TMEM230: variants seen among roughly 807,000 people sequenced by gnomAD.
The protein encoded by TMEM230 is transmembrane protein 230.
Under a neutral mutation model 15.8 loss-of-function variants are expected in TMEM230, and 10 were observed. The ratio of observed to expected loss-of-function variants is 0.63; its 90% CI spans 0.39 to 1.07. The LOEUF (loss-of-function observed/expected upper bound fraction) is 1.07. Among genes scored for constraint, TMEM230 ranks in the 50% least tolerant of loss-of-function variants. The pLI is 0.01. For synonymous variants in TMEM230, 67 were observed against 76.9 expected, an observed-to-expected ratio of 0.87 and a Z score of 0.68; for missense variants, 165 against 193.3, an observed-to-expected ratio of 0.85 and a Z score of 0.87.
At chr20:5,095,689 C>T (rs2089646858), downstream of TMEM230, among the ~76,000 whole-genome samples, 1 of 152,204 alleles carries the variant, frequency 6.6e-6, no homozygotes, top group Non-Finnish European at 1.5e-5. Flanking sequence ...TCAGTCAGCG[C>T]TTCTCAGACA....
At chr20:5,065,908 C>A (rs2088647591), downstream of TMEM230, among the ~76,000 whole-genome samples, 1 of 152,108 alleles carries the variant, frequency 6.6e-6, no homozygotes, top group Non-Finnish European at 1.5e-5. Flanking sequence ...CACTGGAGAC[C>A]CCCGTCCCTG....
downstream of TMEM230, among the ~76,000 whole-genome samples, chr20:5,065,734 G>C (rs1488311067): frequency 6.6e-6 from 1 of 152,194 alleles, no homozygotes; most frequent in Non-Finnish European, 1.5e-5. Flanking sequence ...GGTTCTGTGG[G>C]AGCTCATATG....
intron 4 of TMEM230, 138 bp downstream of exon 3, chr20:5,106,050 C>CA (rs1170764609): frequency 9.0e-5 from 120 of 1,337,288 alleles, no homozygotes; most frequent in East Asian, 2.1e-4. Flanking sequence ...GACCCTGTCT[C>CA]AAAAAAAACA....
intron 3 of TMEM230, among the ~76,000 whole-genome samples, chr20:5,077,356 C>T (rs1053797338): frequency 2.6e-5 from 4 of 152,056 alleles, no homozygotes; most frequent in Non-Finnish European, 4.4e-5. Context: ...TGAGTCCCAG[C>T]TATCTGACAG....
chr20:5,080,732 A>C (rs1326633665), intron 3 of TMEM230, among the ~76,000 whole-genome samples: 6 of 152,086 alleles, frequency 3.9e-5, no homozygotes, highest in African/African-American at 1.2e-4. Flanking sequence ...ACGCCAGGCT[A>C]ATTTTCACCA....
At chr20:5,092,786 G>A (rs1568491892) in intron 3 of TMEM230, among the ~76,000 whole-genome samples, 1 of 151,658 alleles carries the variant, frequency 6.6e-6, no homozygotes, top group Non-Finnish European at 1.5e-5. Context: ...AATAGATGCA[G>A]AAAAGCATTT....
intron 3 of TMEM230, among the ~76,000 whole-genome samples, chr20:5,082,828 G>C (rs556874429): frequency 5.1e-4 from 78 of 151,980 alleles, no homozygotes; most frequent in African/African-American, 1.8e-3. Context: ...AATGATAGAC[G>C]TTAGTGGGCA....
At chr20:5,099,228 AAATAAATCAATCAATCAAT>A (rs1425960521), downstream of TMEM230, among the ~76,000 whole-genome samples, 1 of 91,248 alleles carries the variant, frequency 1.1e-5, no homozygotes, top group Admixed American at 1.1e-4. Context: ...ATAAATAAAT[AAATAAATCAATCAATCAAT>A]AATAAATAAA....
intron 3 of TMEM230, among the ~76,000 whole-genome samples, chr20:5,107,955 T>C: frequency 6.7e-6 from 1 of 150,338 alleles, no homozygotes; most frequent in African/African-American, 2.5e-5. Flanking sequence ...ATACTAAAAA[T>C]ACGAAAATTG....
chr20:5,098,088 CT>C (rs2089720326), downstream of TMEM230, among the ~76,000 whole-genome samples: 2 of 149,466 alleles, frequency 1.3e-5, no homozygotes, highest in Non-Finnish European at 2.9e-5. Context: ...AGCAATTCTC[CT>C]GCCTTAGCCT....
At chr20:5,081,873 CTTT>C (rs10547417) in intron 3 of TMEM230, among the ~76,000 whole-genome samples, 2 of 43,834 alleles carry the variant, frequency 4.6e-5, no homozygotes, top group Admixed American at 3.1e-4. Flanking sequence ...TCTTTTTTTT[CTTT>C]TTTTTTTTTT....
chr20:5,100,295 A>G lies in TMEM230; in HGVS notation c.*496T>C, dbSNP rs1174571290. 5 of 985,576 alleles carry G rather than the reference A, an allele frequency of 5.1e-6. No individual in the cohort carries two copies. The highest frequency in any genetic ancestry group is 1.1e-4 in the East Asian group (1 of 8,814). The allele number at this position is 985,576 out of a possible 1,614,324, so 61.1% of individuals were successfully genotyped here. A position where few individuals can be genotyped will look rare whatever the true frequency, so the allele number is the denominator to read the frequency against. On this transcript the variant is annotated 3_prime_UTR_variant, in exon 5 of 5. Transcript: ENST00000342308. ...GTCAGTAAGAAAGCAAGTAAAAAAA[A>G]TATTACAGATGAACTCACTGATCTT...
At chr20:5,107,813 C>CAA (rs374440749) in intron 3 of TMEM230, among the ~76,000 whole-genome samples, 12 of 119,950 alleles carry the variant, frequency 1.0e-4, no homozygotes, top group Admixed American at 3.3e-4. Flanking sequence ...GACCCTGTCT[C>CAA]AAAAAAAAAA....
At chr20:5,083,154 C>T (rs1198036975) in intron 3 of TMEM230, among the ~76,000 whole-genome samples, 2 of 151,940 alleles carry the variant, frequency 1.3e-5, no homozygotes, top group Non-Finnish European at 2.9e-5. Context: ...TCTCGAACTC[C>T]TGACCTCATA....
chr20:5,065,436 A>C (rs1258699740), downstream of TMEM230, among the ~76,000 whole-genome samples: 2 of 152,128 alleles, frequency 1.3e-5, no homozygotes, highest in Admixed American at 1.3e-4. Context: ...GATTTCCATG[A>C]TCCATTTCCC....
intron 2 of TMEM230, among the ~76,000 whole-genome samples, chr20:5,110,025 C>A (rs1415469167): frequency 3.3e-5 from 5 of 152,032 alleles, no homozygotes; most frequent in Non-Finnish European, 5.9e-5. Context: ...AAGTTTCTTG[C>A]CGTAAATTTG....
rs1442417506 is a variant in TMEM230, at chr20:5,106,319, G to T, written c.289-9C>A. The T allele has an allele frequency of 1.3e-6, 2 of 1,590,110 alleles. No individual in the cohort carries two copies. The highest frequency in any genetic ancestry group is 1.4e-5 in the African/African-American group (1 of 73,254). On this transcript the variant is annotated splice_polypyrimidine_tract_variant and intron_variant, in intron 3 of 4. Coordinates refer to ENST00000342308, the MANE Select transcript of TMEM230 (RefSeq NM_001009923.2). ...GGAGGGGTTTTCTTAAACTGGAAGA[G>T]AAATAGAGATGAAAAAGACAACGAA...
At chr20:5,066,615 T>A (rs573463863), downstream of TMEM230, among the ~76,000 whole-genome samples, 19 of 146,072 alleles carry the variant, frequency 1.3e-4, no homozygotes, top group African/African-American at 4.9e-4. Context: ...GAGGTTGCAG[T>A]GAGATTGTGC....
chr20:5,086,760 C>A (rs1333420927), intron 3 of TMEM230, among the ~76,000 whole-genome samples: 1 of 151,208 alleles, frequency 6.6e-6, no homozygotes, highest in African/African-American at 2.4e-5. Context: ...AGTACAGTGG[C>A]ACAATCACAA....
Sources: gnomAD v4.1 joint callset for allele counts (sites outside exome capture counted in the v4.1 genomes callset) on GRCh38, gnomAD v4.1.1 for gene constraint, MANE v1.5 for transcripts, NCBI Gene and HGNC (gene_info 2026-07-23, HGNC 2026-07-21) for gene names.